Variants in COL24A1 observed in about 807,000 individuals in gnomAD.
COL24A1 encodes collagen type XXIV alpha 1 chain.
A neutral mutation model predicts 253.9 loss-of-function variants in COL24A1; 224 were observed. The ratio of observed to expected loss-of-function variants is 0.88; its 90% CI spans 0.79 to 0.99. COL24A1 has a LOEUF of 0.99. Among genes scored for constraint, COL24A1 ranks in the 50% least tolerant of loss-of-function variants. The probability of loss-of-function intolerance (pLI) is 0.00; values close to 1 mark genes in which losing one functional copy is unlikely to be tolerated. For synonymous variants in COL24A1, 685 were observed against 673.7 expected (o/e 1.02, Z -0.26); for missense variants, 2,131 against 2,068.5 (o/e 1.03, Z -0.59).
intron 12 of COL24A1, among the ~76,000 whole-genome samples, chr1:86,043,924 G>C (rs1699699121): frequency 6.6e-6 from 1 of 152,146 alleles, no homozygotes; most frequent in African/African-American, 2.4e-5. Flanking sequence ...TCAGATTTCA[G>C]CATTTCCAGG....
intron 19 of COL24A1, among the ~76,000 whole-genome samples, chr1:85,992,633 T>C (rs1263732571): frequency 6.6e-6 from 1 of 152,160 alleles, no homozygotes; most frequent in Non-Finnish European, 1.5e-5. Flanking sequence ...GTCCATACTT[T>C]TCATTTCTAA....
intron 7 of COL24A1, among the ~76,000 whole-genome samples, chr1:86,067,424 C>T (rs1486413169): frequency 6.6e-6 from 1 of 152,154 alleles, no homozygotes; most frequent in Non-Finnish European, 1.5e-5. Flanking sequence ...ACTGTACTCA[C>T]TGTGGTGTCC....
In COL24A1 at chr1:86,126,274, A is replaced by G. The variant is rs140042234; in HGVS notation, c.122-60T>C. 2,029 of 1,446,670 alleles carry G rather than the reference A, an allele frequency of 1.4e-3. 3 individuals carry two copies. Among genetic ancestry groups the G allele is most frequent in the Non-Finnish European group, 1.7e-3 (1,835 of 1,083,616 alleles). The allele number at this position is 1,446,670 out of a possible 1,614,324, so 89.6% of individuals were successfully genotyped here. A position where few individuals can be genotyped will look rare whatever the true frequency, so the allele number is the denominator to read the frequency against. On this transcript the variant is annotated intron_variant, in intron 2 of 59. Transcript: ENST00000370571. ...TAATTTTATGGATTCAAGTGTTCAT[A>G]TAAATGTTTGAATATGATAAAAATC...
chr1:85,808,877 G>A (rs1318649857), intron 47 of COL24A1, among the ~76,000 whole-genome samples: 1 of 152,126 alleles, frequency 6.6e-6, no homozygotes, highest in Non-Finnish European at 1.5e-5. Flanking sequence ...AGGCTTAAAG[G>A]CTAGGGTTTT....
intron 11 of COL24A1, 31 bp downstream of exon 11, chr1:86,050,093 T>C: frequency 6.3e-7 from 1 of 1,582,710 alleles, no homozygotes; most frequent in Non-Finnish European, 8.7e-7. Context: ...TATATCACTT[T>C]AGAAATACTA....
chr1:85,895,980 T>G, intron 30 of COL24A1, 41 bp downstream of exon 30: 1 of 1,599,746 alleles, frequency 6.3e-7, no homozygotes, highest in Non-Finnish European at 8.5e-7. Context: ...CAAAAAAGAC[T>G]TAAAATGTTC....
intron 24 of COL24A1, among the ~76,000 whole-genome samples, chr1:85,934,259 C>T (rs1160157232): frequency 1.3e-5 from 2 of 152,140 alleles, no homozygotes; most frequent in Non-Finnish European, 2.9e-5. Flanking sequence ...TAACTGAGTC[C>T]ATCCTGCATT....
At chr1:86,057,689 T>C (rs1262772547) in intron 10 of COL24A1, among the ~76,000 whole-genome samples, 1 of 152,210 alleles carries the variant, frequency 6.6e-6, no homozygotes, top group African/African-American at 2.4e-5. Flanking sequence ...ACAGAGCACA[T>C]TCTAACATGC....
chr1:86,142,738 A>G (rs1041309371), intron 2 of COL24A1, among the ~76,000 whole-genome samples: 1 of 152,104 alleles, frequency 6.6e-6, no homozygotes, highest in South Asian at 2.1e-4. Context: ...GGAAATAAAT[A>G]TATCAGGAAG....
chr1:85,981,531 A>T (rs1693257003), intron 20 of COL24A1, among the ~76,000 whole-genome samples: 1 of 152,170 alleles, frequency 6.6e-6, no homozygotes, highest in Non-Finnish European at 1.5e-5. Flanking sequence ...AAGACCTGAA[A>T]CCATAATATT....
At chr1:86,119,574 C>T (rs557147264) in intron 3 of COL24A1, among the ~76,000 whole-genome samples, 19 of 152,170 alleles carry the variant, frequency 1.2e-4, no homozygotes, top group African/African-American at 4.6e-4. Flanking sequence ...AAGGGTTTCG[C>T]AACAAATTGT....
chr1:86,039,232 TTAAACAC>T (rs993040274), intron 12 of COL24A1, among the ~76,000 whole-genome samples: 1 of 152,170 alleles, frequency 6.6e-6, no homozygotes, highest in Non-Finnish European at 1.5e-5. Flanking sequence ...ATGGTAGTTA[TTAAACAC>T]TAAGACCAAA....
chr1:85,778,019 C>CTA (rs1473918263), intron 52 of COL24A1, among the ~76,000 whole-genome samples: 23 of 100,392 alleles, frequency 2.3e-4, no homozygotes, highest in African/African-American at 6.6e-4. Flanking sequence ...GTATATGTCT[C>CTA]TATCTCTATC....
intron 38 of COL24A1, 126 bp from the exon 39 acceptor site, chr1:85,847,898 C>T (rs1677317579): frequency 2.0e-6 from 1 of 504,662 alleles, no homozygotes; most frequent in South Asian, 3.9e-5. Context: ...TCACTATTAA[C>T]AACAATAACA....
chr1:86,109,284 A>G (rs1450015036), intron 5 of COL24A1, among the ~76,000 whole-genome samples: 1 of 150,534 alleles, frequency 6.6e-6, no homozygotes, highest in East Asian at 2.0e-4. Flanking sequence ...TCTCTGAGGC[A>G]CTTCCATTGA....
chr1:85,991,274 T>C (rs141716189), intron 19 of COL24A1, among the ~76,000 whole-genome samples: 114 of 152,220 alleles, frequency 7.5e-4, no homozygotes, highest in Admixed American at 1.5e-3. Flanking sequence ...GATCAAATGA[T>C]TGGGGAGCTT....
At chr1:85,816,693 T>C in intron 47 of COL24A1, 95 bp downstream of exon 47, 2 of 1,033,428 alleles carry the variant, frequency 1.9e-6, no homozygotes, top group Admixed American at 3.5e-5. Context: ...TCTGAGCCAA[T>C]GCCAAAGCTA....
At chr1:85,824,723 G>C (rs1301625155) in intron 43 of COL24A1, among the ~76,000 whole-genome samples, 1 of 152,102 alleles carries the variant, frequency 6.6e-6, no homozygotes, top group African/African-American at 2.4e-5. Context: ...AAGCGTGTCA[G>C]ATGAGAGTTA....
In COL24A1 at chr1:85,938,407, C is replaced by T. The variant is rs1486898187; in HGVS notation, c.2562+22842G>A. On this transcript the variant is annotated intron_variant, in intron 24 of 59. Coordinates refer to ENST00000370571, the MANE Select transcript of COL24A1 (RefSeq NM_152890.7). ...GCAATCTCTTGAGCCCTTCAATTTC[C>T]CTGTGTCCACACCCCAGCAGGCAAA... Among the ~76,000 whole-genome samples the T allele has an allele frequency of 1.4e-5, 2 of 146,476 alleles. 1 individual carries two copies. The highest frequency in any genetic ancestry group is 5.0e-5 in the African/African-American group (2 of 39,928).
Sources: gnomAD v4.1 joint callset for allele counts (sites outside exome capture counted in the v4.1 genomes callset) on GRCh38, gnomAD v4.1.1 for gene constraint, MANE v1.5 for transcripts, NCBI Gene and HGNC (gene_info 2026-07-23, HGNC 2026-07-21) for gene names.